HSDL2: variants seen among roughly 807,000 people sequenced by gnomAD.
The protein encoded by HSDL2 is hydroxysteroid dehydrogenase-like protein 2.
A neutral mutation model predicts 46.3 loss-of-function variants in HSDL2; 27 were observed. The ratio of observed to expected loss-of-function variants is 0.58; its 90% CI spans 0.43 to 0.80. HSDL2 has a LOEUF of 0.80. HSDL2 is among the 30% of genes least tolerant of loss of function. The pLI is 0.00. For synonymous variants in HSDL2, 153 were observed against 163.6 expected, an observed-to-expected ratio of 0.94 and a Z score of 0.50; for missense variants, 451 against 502.7, an observed-to-expected ratio of 0.90 and a Z score of 0.98.
intron 6 of HSDL2, among the ~76,000 whole-genome samples, chr9:112,436,606 A>G (rs557147847): frequency 6.6e-6 from 1 of 152,286 alleles, no homozygotes; most frequent in Admixed American, 6.5e-5. Context: ...TATGGAAATA[A>G]GCTTTAACTA....
chr9:112,448,222 C>G (rs1832793084), intron 8 of HSDL2, among the ~76,000 whole-genome samples: 2 of 152,124 alleles, frequency 1.3e-5, no homozygotes, highest in Admixed American at 1.3e-4. Context: ...AACTTCTTGT[C>G]TGCATATAAT....
intron 4 of HSDL2, among the ~76,000 whole-genome samples, chr9:112,415,902 G>T (rs1011059083): frequency 1.3e-5 from 2 of 152,044 alleles, no homozygotes; most frequent in Admixed American, 1.3e-4. Context: ...GAGGTCAGGA[G>T]TCGAGACCAT....
intron 1 of HSDL2, among the ~76,000 whole-genome samples, chr9:112,399,285 G>C (rs1312269660): frequency 8.5e-5 from 13 of 152,308 alleles, no homozygotes; most frequent in African/African-American, 2.9e-4. Context: ...GGTTTCAAAA[G>C]GGGAGGGGGT....
intron 9 of HSDL2, among the ~76,000 whole-genome samples, chr9:112,454,687 AC>A (rs1164328916): frequency 1.3e-5 from 2 of 151,338 alleles, no homozygotes; most frequent in East Asian, 3.9e-4. Flanking sequence ...GCTTTTTTTC[AC>A]TTTTTTTATT....
chr9:112,386,643 G>T (rs1319495565), intron 1 of HSDL2, among the ~76,000 whole-genome samples: 1 of 149,512 alleles, frequency 6.7e-6, no homozygotes, highest in Non-Finnish European at 1.5e-5. Flanking sequence ...AATTAACCAA[G>T]CGTGGTGATG....
intron 1 of HSDL2, among the ~76,000 whole-genome samples, chr9:112,400,895 T>A (rs1831575573): frequency 6.6e-6 from 1 of 152,176 alleles, no homozygotes; most frequent in Non-Finnish European, 1.5e-5. Flanking sequence ...CCTGTCCGAT[T>A]GGAGTAAGGG....
At chr9:112,417,568 C>T (rs1832021708) in intron 5 of HSDL2, among the ~76,000 whole-genome samples, 1 of 150,986 alleles carries the variant, frequency 6.6e-6, no homozygotes, top group Non-Finnish European at 1.5e-5. Flanking sequence ...ACAAGATTTA[C>T]ATATAGATGC....
chr9:112,464,946 C>T (rs1015224966), intron 10 of HSDL2, among the ~76,000 whole-genome samples: 1 of 152,168 alleles, frequency 6.6e-6, no homozygotes, highest in East Asian at 1.9e-4. Context: ...AATCAACTTT[C>T]TATCTCTATG....
chr9:112,381,902 G>A (rs540655798), intron 1 of HSDL2, among the ~76,000 whole-genome samples: 7 of 152,122 alleles, frequency 4.6e-5, no homozygotes, highest in East Asian at 1.9e-4. Flanking sequence ...ATATATAAGT[G>A]TATATGTAGG....
intron 8 of HSDL2, among the ~76,000 whole-genome samples, chr9:112,451,580 A>G (rs1564129810): frequency 6.6e-6 from 1 of 152,236 alleles, no homozygotes; most frequent in African/African-American, 2.4e-5. Flanking sequence ...CTCTTTTTAA[A>G]GTAGAACCCA....
chr9:112,470,555 A>T lies in HSDL2; in HGVS notation c.*11A>T, dbSNP rs773047940. 80 of 1,360,066 alleles carry T rather than the reference A, an allele frequency of 5.9e-5. No homozygotes were observed. The Middle Eastern group carries it at 7.5e-4, about 13-fold the overall frequency. The allele number at this position is 1,360,066 out of a possible 1,614,324, so 84.2% of individuals were successfully genotyped here. A position where few individuals can be genotyped will look rare whatever the true frequency, so the allele number is the denominator to read the frequency against. ...AATGCCAGACTGTGAAGGAAAATAT[A>T]AAAAAAAAGTCGACTGCTATGCTCA... On this transcript the variant is annotated 3_prime_UTR_variant, in exon 11 of 11. Coordinates refer to ENST00000398805, the MANE Select transcript of HSDL2 (RefSeq NM_032303.5).
At chr9:112,402,391 T>A (rs967071429) in intron 1 of HSDL2, among the ~76,000 whole-genome samples, 7 of 152,074 alleles carry the variant, frequency 4.6e-5, no homozygotes, top group Admixed American at 1.3e-4. Flanking sequence ...ACCCTGTCTG[T>A]ACAAACAATT....
intron 6 of HSDL2, among the ~76,000 whole-genome samples, chr9:112,424,658 T>G (rs1370999460): frequency 6.6e-6 from 1 of 152,138 alleles, no homozygotes; most frequent in Admixed American, 6.5e-5. Flanking sequence ...GACAGCCCTT[T>G]AGAGTATATA....
At chr9:112,442,430 CAT>C (rs1351238251) in intron 8 of HSDL2, among the ~76,000 whole-genome samples, 1 of 152,004 alleles carries the variant, frequency 6.6e-6, no homozygotes, top group Non-Finnish European at 1.5e-5. Flanking sequence ...AAAAGTGTGT[CAT>C]ATATCAAATA....
At chr9:112,423,875 A>G (rs112045635) in intron 6 of HSDL2, among the ~76,000 whole-genome samples, 55,074 of 151,144 alleles carry the variant, frequency 0.36, 11,315 homozygotes, top group Non-Finnish European at 0.48. Context: ...CCCCACGCCC[A>G]GCTAATTTTT....
chr9:112,399,349 A>G (rs1831535542), intron 1 of HSDL2, among the ~76,000 whole-genome samples: 1 of 152,206 alleles, frequency 6.6e-6, no homozygotes, highest in Non-Finnish European at 1.5e-5. Context: ...CAAAAAGCAG[A>G]ACTACTAATA....
chr9:112,397,290 T>C (rs1239945874), intron 1 of HSDL2, among the ~76,000 whole-genome samples: 1 of 152,152 alleles, frequency 6.6e-6, no homozygotes, highest in Non-Finnish European at 1.5e-5. Flanking sequence ...CTTTAATATA[T>C]GCAGGCAACA....
intron 6 of HSDL2, among the ~76,000 whole-genome samples, chr9:112,422,226 C>T (rs930331798): frequency 9.2e-5 from 14 of 152,102 alleles, no homozygotes; most frequent in South Asian, 8.3e-4. Flanking sequence ...AACAAACAAA[C>T]GAACTATATA....
rs112892125 is a variant in HSDL2, at chr9:112,415,191, G to A, written c.396-1650G>A. On this transcript the variant is annotated intron_variant, in intron 4 of 10. Transcript: ENST00000398805. The stretch of plus-strand genomic sequence containing the variant: ...ATAAAGCTATGTATTGCACCCAAAG[G>A]CATATTTTATATTGGTGAAAATTAA... Among the ~76,000 whole-genome samples the A allele has an allele frequency of 3.6e-3, 548 of 152,040 alleles. 4 individuals are homozygous for A. Among genetic ancestry groups the A allele is most frequent in the African/African-American group, 0.013 (520 of 41,456 alleles).
Sources: allele counts gnomAD v4.1 joint callset (sites outside exome capture counted in the v4.1 genomes callset), GRCh38; gene constraint gnomAD v4.1.1; transcripts MANE v1.5; gene names NCBI Gene and HGNC (gene_info 2026-07-23, HGNC 2026-07-21).